Variants in FER1L6 observed in about 807,000 individuals in gnomAD.
FER1L6 encodes the protein fer-1 like family member 6.
A neutral mutation model predicts 219.2 loss-of-function variants in FER1L6; 177 were observed. The observed-to-expected ratio is 0.81, with a 90% CI of 0.71 to 0.91. The LOEUF (loss-of-function observed/expected upper bound fraction) is 0.91, where lower values mean the gene tolerates loss of function less well. Ranked by LOEUF, FER1L6 falls within the 40% of genes least tolerant of loss-of-function variation. FER1L6 has a pLI of 0.00. For synonymous variants in FER1L6, 768 were observed against 824.3 expected (o/e 0.93, Z 1.17); for missense variants, 2,153 against 2,259.9 (o/e 0.95, Z 0.96).
chr8:123,946,585 A>G (rs912080636), intron 1 of FER1L6, among the ~76,000 whole-genome samples: 7 of 152,150 alleles, frequency 4.6e-5, no homozygotes, highest in Admixed American at 3.3e-4. Context: ...GTGGTTTTCA[A>G]ACTTTAAAAC....
chr8:123,973,406 C>T (rs1198534308), intron 6 of FER1L6, 28 bp from the exon 7 acceptor site: 12 of 1,572,754 alleles, frequency 7.6e-6, no homozygotes, highest in Non-Finnish European at 1.1e-5. Context: ...GGTAAATCTG[C>T]CATACTCCCT....
intron 5 of FER1L6, among the ~76,000 whole-genome samples, chr8:123,967,397 GAA>G (rs2130230307): frequency 6.6e-6 from 1 of 152,290 alleles, no homozygotes; most frequent in Admixed American, 6.5e-5. Context: ...CTTCCTGGCT[GAA>G]GAGTTTTTCA....
intron 13 of FER1L6, among the ~76,000 whole-genome samples, chr8:124,007,648 C>T (rs779610688): frequency 2.6e-5 from 4 of 152,210 alleles, no homozygotes; most frequent in Non-Finnish European, 5.9e-5. Context: ...AATATTCCTT[C>T]TGGCTCCACA....
intron 14 of FER1L6, 113 bp from the exon 15 acceptor site, chr8:124,013,318 A>G: frequency 3.5e-6 from 2 of 576,150 alleles, no homozygotes; most frequent in East Asian, 3.1e-5. Context: ...ATCCTCCTTC[A>G]TTGCCAAAAC....
At chr8:124,118,748 T>C in intron 39 of FER1L6, 96 bp from the exon 40 acceptor site, 1 of 1,034,690 alleles carries the variant, frequency 9.7e-7, no homozygotes, top group East Asian at 2.5e-5. Flanking sequence ...CAAAATACTT[T>C]CTGGAATTCT....
chr8:123,970,737 A>G (rs1424110501), intron 6 of FER1L6, among the ~76,000 whole-genome samples: 3 of 152,042 alleles, frequency 2.0e-5, no homozygotes, highest in African/African-American at 7.2e-5. Flanking sequence ...GAGCTTCCTG[A>G]TCTAAGGGCC....
At chr8:123,946,968 T>G (rs1199261788) in intron 1 of FER1L6, among the ~76,000 whole-genome samples, 1 of 152,118 alleles carries the variant, frequency 6.6e-6, no homozygotes, top group African/African-American at 2.4e-5. Context: ...TTTGAATGAC[T>G]ATAAGAGACT....
intron 18 of FER1L6, among the ~76,000 whole-genome samples, chr8:124,033,485 AACTT>A (rs1819060160): frequency 6.6e-6 from 1 of 151,962 alleles, no homozygotes. Context: ...CAACAAAATA[AACTT>A]ACTTGATTTT....
chr8:124,101,788 T>C (rs550334549), intron 38 of FER1L6, among the ~76,000 whole-genome samples: 64 of 152,354 alleles, frequency 4.2e-4, no homozygotes, highest in African/African-American at 1.5e-3. Flanking sequence ...AATAAGGACA[T>C]GCCTGTGATA....
At position 124,045,766 on chromosome 8, in the gene FER1L6, G is replaced by T. The variant is rs761498592; in HGVS notation, c.2590-1G>T. On this transcript the variant is annotated splice_acceptor_variant, in intron 20 of 40. Transcript: ENST00000522917. LOFTEE classifies it high-confidence loss of function. ...TGCTTTTCTTTGGTCCCTGCTTCCA[G>T]ATAATCTCCCAGACCCTCTCTCCGA... 1.2e-5 allele frequency: 20 copies of T among 1,613,834 alleles called. No individual in the cohort carries two copies. The highest frequency in any genetic ancestry group is 1.5e-5 in the Non-Finnish European group (18 of 1,179,978).
At chr8:124,060,445 C>A in intron 23 of FER1L6, 103 bp from the exon 24 acceptor site, 2 of 1,491,840 alleles carry the variant, frequency 1.3e-6, no homozygotes, top group South Asian at 1.2e-5. Flanking sequence ...AGGAACACAG[C>A]GTGGTTCTCA....
intron 16 of FER1L6, among the ~76,000 whole-genome samples, chr8:124,018,609 C>T (rs1455873388): frequency 1.3e-5 from 2 of 152,198 alleles, no homozygotes; most frequent in African/African-American, 2.4e-5. Context: ...TCCATGTTTT[C>T]TGCAGAGTTC....
intron 1 of FER1L6, among the ~76,000 whole-genome samples, chr8:123,922,879 A>T (rs1221368475): frequency 6.6e-6 from 1 of 152,068 alleles, no homozygotes; most frequent in Non-Finnish European, 1.5e-5. Context: ...TTTGAACTCA[A>T]AGTGTGTAAT....
chr8:123,961,399 G>A (rs1288054529), intron 2 of FER1L6, among the ~76,000 whole-genome samples: 1 of 152,188 alleles, frequency 6.6e-6, no homozygotes, highest in Non-Finnish European at 1.5e-5. Flanking sequence ...AATAAATGAT[G>A]CACTAAAATT....
chr8:123,925,471 C>T (rs988158702), intron 1 of FER1L6, among the ~76,000 whole-genome samples: 1 of 152,176 alleles, frequency 6.6e-6, no homozygotes, highest in Non-Finnish European at 1.5e-5. Context: ...GCCATATCAG[C>T]TATAAGGCAC....
chr8:123,889,094 T>A (rs1817256386), intron 1 of FER1L6, among the ~76,000 whole-genome samples: 1 of 152,210 alleles, frequency 6.6e-6, no homozygotes, highest in Non-Finnish European at 1.5e-5. Flanking sequence ...CAGAAGGTTA[T>A]AAAACCATAA....
At chr8:124,063,712 C>A (rs1820696513) in intron 25 of FER1L6, among the ~76,000 whole-genome samples, 1 of 152,110 alleles carries the variant, frequency 6.6e-6, no homozygotes, top group Non-Finnish European at 1.5e-5. Context: ...GGAAAGTCAG[C>A]AAATGGGGAG....
intron 32 of FER1L6, 70 bp downstream of exon 32, chr8:124,076,395 A>G (rs9643188): frequency 0.85 from 1,235,964 of 1,460,714 alleles, 524,592 homozygotes; most frequent in African/African-American, 0.88. Context: ...CTGTGGGGAT[A>G]GTGCGTGTAT....
At chr8:124,103,376 T>C (rs1362739828) in intron 39 of FER1L6, 67 bp downstream of exon 39, 4 of 1,494,094 alleles carry the variant, frequency 2.7e-6, no homozygotes, top group Non-Finnish European at 3.7e-6. Flanking sequence ...TTCCACTGAG[T>C]CATTTTGTGA....
Sources: allele counts gnomAD v4.1 joint callset (sites outside exome capture counted in the v4.1 genomes callset), GRCh38; gene constraint gnomAD v4.1.1; transcripts MANE v1.5; gene names NCBI Gene and HGNC (gene_info 2026-07-23, HGNC 2026-07-21).